RYR3: variants seen among roughly 807,000 people sequenced by gnomAD.
The protein encoded by RYR3 is ryanodine receptor 3, also known as brain ryanodine receptor-calcium release channel.
Under a neutral mutation model 584.3 loss-of-function variants are expected in RYR3, and 207 were observed. The observed-to-expected ratio is 0.35, with a 90% CI of 0.32 to 0.40. The LOEUF (loss-of-function observed/expected upper bound fraction) is 0.40, where lower values mean the gene tolerates loss of function less well. Ranked by LOEUF, RYR3 falls within the 10% of genes least tolerant of loss-of-function variation. The pLI is 1.00. For synonymous variants in RYR3, 2,416 were observed against 2,248.5 expected (o/e 1.07, Z -2.11); for missense variants, 5,616 against 6,089.2 (o/e 0.92, Z 2.59).
At chr15:33,646,674 G>A (rs1301931504) in intron 29 of RYR3, 148 bp downstream of exon 29, 2 of 686,822 alleles carry the variant, frequency 2.9e-6, no homozygotes, top group African/African-American at 3.6e-5. Context: ...GAGAATGTAT[G>A]TGCACGCATG....
intron 2 of RYR3, among the ~76,000 whole-genome samples, chr15:33,503,310 C>T (rs949810513): frequency 1.3e-5 from 2 of 152,190 alleles, no homozygotes; most frequent in Admixed American, 6.5e-5. Context: ...CTCACCCAGA[C>T]GTGGCTGTAG....
Position 33,812,912 on chromosome 15 carries a change from T to C in RYR3, c.10307T>C (p.Leu3436Pro). The C allele has an allele frequency of 6.2e-7, 1 of 1,614,006 alleles. No individual in the cohort carries two copies. Among genetic ancestry groups the C allele is most frequent in the Non-Finnish European group, 8.5e-7 (1 of 1,179,868 alleles). ...CAACTGAACCTCTACAAGGATGTTC[T>C]GAAGAGTGAAGAACCTTTCAATCCG... ...KWQLNLYKDV[L>P]KSEEPFNPEK... The change falls in exon 73 of 104, where the codon CTG becomes CCG. Residue 3436 changes from leucine to proline, a missense_variant. Transcript: ENST00000634891.
intron 52 of RYR3, among the ~76,000 whole-genome samples, chr15:33,743,602 T>C (rs1223559153): frequency 6.6e-6 from 1 of 152,218 alleles, no homozygotes; most frequent in Non-Finnish European, 1.5e-5. Context: ...TTGGCCAGCC[T>C]GTGAATTAGG....
At chr15:33,451,301 C>T (rs889887053) in intron 1 of RYR3, among the ~76,000 whole-genome samples, 7 of 152,192 alleles carry the variant, frequency 4.6e-5, no homozygotes, top group African/African-American at 1.7e-4. Flanking sequence ...CTGCTCCTTT[C>T]TCTCTCTACC....
At position 33,632,988 on chromosome 15, in the gene RYR3, T is replaced by A. The variant is rs1244204102; in HGVS notation, c.2907T>A (p.Asp969Glu). 6.2e-7 allele frequency: 1 copy of A among 1,613,858 alleles called. No individual in the cohort carries two copies. Among genetic ancestry groups the A allele is most frequent in the Non-Finnish European group, 8.5e-7 (1 of 1,179,866 alleles). The change falls in exon 24 of 104, where the codon GAT (aspartate) becomes GAA (glutamate). Residue 969 changes from aspartate (D) to glutamate (E), a missense_variant. This residue lies in a region of RYR3 where 1,284 missense variants were observed against 1,344.6 expected (regional missense o/e 0.95). Transcript: ENST00000634891. ...MSNGYKPAPLDLSDVKLLPPQ... is the reference protein window; with the variant it reads ...MSNGYKPAPLELSDVKLLPPQ... Reference sequence around the variant, plus strand: ...ACGGCTATAAGCCAGCCCCTTTGGATTTGTCTGATGTGAAGCTGTTACCTC... The same window carrying A: ...ACGGCTATAAGCCAGCCCCTTTGGAATTGTCTGATGTGAAGCTGTTACCTC...
chr15:33,819,590 C>G (rs1283527798), intron 76 of RYR3, among the ~76,000 whole-genome samples, 166 bp from the exon 77 acceptor site: 5 of 151,856 alleles, frequency 3.3e-5, no homozygotes, highest in Non-Finnish European at 7.4e-5. Flanking sequence ...AGGAGAATCA[C>G]TTGAATCCAG....
rs939821378 is a variant in RYR3 at position 33,844,901 on chromosome 15, G to A, written c.13336G>A (p.Ala4446Thr). The change falls in exon 93 of 104, where the codon GCA (alanine) becomes ACA (threonine). Residue 4446 changes from alanine to threonine, a missense_variant. Coordinates refer to ENST00000634891, the MANE Select transcript of RYR3 (RefSeq NM_001036.6). ...TTTAGAAGAAGAGACAGAGGATGTT[G>A]CAAACCTATGGAATTCCTTTAATGA... The part of the protein sequence containing the change: ...EPLEEETEDV[A>T]NLWNSFNDEE... The A allele has an allele frequency of 6.2e-7, 1 of 1,614,044 alleles. No homozygotes were observed. The highest frequency in any genetic ancestry group is 8.5e-7 in the Non-Finnish European group (1 of 1,179,890).
intron 2 of RYR3, among the ~76,000 whole-genome samples, chr15:33,474,835 T>A (rs2049238690): frequency 6.6e-6 from 1 of 152,138 alleles, no homozygotes; most frequent in South Asian, 2.1e-4. Flanking sequence ...ATGTCCAGGG[T>A]GATGGCCACG....
intron 3 of RYR3, among the ~76,000 whole-genome samples, chr15:33,520,002 C>G (rs1462431374): frequency 6.6e-6 from 1 of 151,806 alleles, no homozygotes; most frequent in Non-Finnish European, 1.5e-5. Context: ...TAGTTGAGAC[C>G]AGTACAAAAA....
chr15:33,823,597 T>G (rs967232), intron 81 of RYR3, among the ~76,000 whole-genome samples: 1 of 152,020 alleles, frequency 6.6e-6, no homozygotes, highest in Non-Finnish European at 1.5e-5. Context: ...ATGGGAACAT[T>G]TTGACATAGC....
At chr15:33,492,628 A>T (rs1237503939) in intron 2 of RYR3, among the ~76,000 whole-genome samples, 1 of 152,166 alleles carries the variant, frequency 6.6e-6, no homozygotes, top group Non-Finnish European at 1.5e-5. Flanking sequence ...CTTTGTGTTC[A>T]CTTCCCATCC....
intron 27 of RYR3, among the ~76,000 whole-genome samples, chr15:33,643,918 G>A (rs1326141176): frequency 1.3e-5 from 2 of 152,074 alleles, no homozygotes; most frequent in Non-Finnish European, 2.9e-5. Context: ...TAGGCTCACT[G>A]CATTGTTTTG....
chr15:33,408,446 A>G (rs2043170226), intron 1 of RYR3, among the ~76,000 whole-genome samples: 1 of 152,186 alleles, frequency 6.6e-6, no homozygotes, highest in African/African-American at 2.4e-5. Flanking sequence ...TGCTATTGTG[A>G]ATAGTGCTGT....
Position 33,746,088 on chromosome 15 carries a change from T to C in RYR3, c.7920T>C (p.Tyr2640=), listed in dbSNP as rs770381856. Residue 2640 remains tyrosine, a synonymous_variant, in exon 53 of 104, where the codon TAT becomes TAC. Transcript: ENST00000634891. The part of the protein sequence containing the change: ...ACDKSQSGWK[Y]GISLDENVKT... ...TACAGAGTCAGAGTGGATGGAAATA[T>C]GGGATTTCCCTGGATGAAAATGTGA... 3.1e-6 allele frequency: 5 copies of C among 1,597,936 alleles called. No individual in the cohort carries two copies. The highest frequency in any genetic ancestry group is 1.1e-5 in the South Asian group (1 of 87,464).
chr15:33,708,687 A>G (rs1417641033), intron 43 of RYR3, among the ~76,000 whole-genome samples: 2 of 152,246 alleles, frequency 1.3e-5, no homozygotes, highest in African/African-American at 2.4e-5. Context: ...TTTCGGTGCC[A>G]CAAAAGAAAT....
intron 1 of RYR3, among the ~76,000 whole-genome samples, chr15:33,399,483 C>CA: frequency 6.6e-6 from 1 of 152,090 alleles, no homozygotes; most frequent in East Asian, 1.9e-4. Context: ...TATTAAGATA[C>CA]AAAAAATAGC....
chr15:33,347,208 C>A (rs1972566809), intron 1 of RYR3, among the ~76,000 whole-genome samples: 1 of 152,110 alleles, frequency 6.6e-6, no homozygotes, highest in Non-Finnish European at 1.5e-5. Context: ...CCATGCACAG[C>A]CTACACTTAA....
chr15:33,537,215 A>T (rs184895773), intron 5 of RYR3, among the ~76,000 whole-genome samples: 5 of 152,152 alleles, frequency 3.3e-5, no homozygotes, highest in African/African-American at 4.8e-5. Context: ...TTTCCTATAG[A>T]AGTGAAAATC....
At chr15:33,630,202 A>G (rs1475208921) in intron 22 of RYR3, among the ~76,000 whole-genome samples, 159 bp downstream of exon 22, 1 of 152,248 alleles carries the variant, frequency 6.6e-6, no homozygotes, top group Non-Finnish European at 1.5e-5. Flanking sequence ...ATTTAGCATA[A>G]CCATCCACCA....
Sources: allele counts gnomAD v4.1 joint callset (sites outside exome capture counted in the v4.1 genomes callset), GRCh38; gene constraint gnomAD v4.1.1; regional missense constraint gnomAD v4.1.1; transcripts MANE v1.5; gene names NCBI Gene and HGNC (gene_info 2026-07-23, HGNC 2026-07-21).